The following FAM241A variants were observed in gnomAD, a reference collection of about 807,000 sequenced individuals.
FAM241A encodes the protein family with sequence similarity 241 member A, also known as uncharacterized protein FAM241A.
In FAM241A, 7 loss-of-function variants were observed where a neutral mutation model predicts 12.2. The observed-to-expected ratio is 0.58, with a 90% CI of 0.33 to 1.08. FAM241A has a LOEUF of 1.08. Among genes scored for constraint, FAM241A ranks in the 50% least tolerant of loss-of-function variants. FAM241A has a pLI of 0.04. For missense variants in FAM241A, 161 were observed against 169.7 expected (o/e 0.95, Z 0.29); for synonymous variants, 74 against 68.2 (o/e 1.08, Z -0.42).
At chr4:112,166,688 G>A (rs1035890209) in intron 1 of FAM241A, among the ~76,000 whole-genome samples, 5 of 152,144 alleles carry the variant, frequency 3.3e-5, no homozygotes, top group Non-Finnish European at 7.3e-5. Context: ...GAGTCTAATA[G>A]CACCCACCTG....
intron 1 of FAM241A, among the ~76,000 whole-genome samples, chr4:112,172,977 T>C (rs1399928358): frequency 6.6e-6 from 1 of 152,180 alleles, no homozygotes; most frequent in Non-Finnish European, 1.5e-5. Context: ...AGCCTCTGCC[T>C]CCTGGGCTGA....
Position 112,186,878 on chromosome 4 carries a change from C to T in FAM241A, c.339C>T (p.Gly113=). The T allele has an allele frequency of 2.5e-6, 4 of 1,614,002 alleles. No individual in the cohort carries two copies. The highest frequency in any genetic ancestry group is 3.4e-6 in the Non-Finnish European group (4 of 1,179,944). Residue 113 remains glycine (G), a synonymous_variant, in exon 2 of 2, where the codon GGC becomes GGT. Coordinates refer to ENST00000309733, the MANE Select transcript of FAM241A (RefSeq NM_152400.3). ...TTTGGGTTATGCTGTGGTTCCTTGG[C>T]CTGCAAGCCCTTGGACTAGTTGCTG... ...IFFWVMLWFL[G]LQALGLVAVL...
chr4:112,162,090 C>T (rs1391426773), intron 1 of FAM241A, among the ~76,000 whole-genome samples: 1 of 152,116 alleles, frequency 6.6e-6, no homozygotes, highest in East Asian at 1.9e-4. Context: ...GCAGAAAAGG[C>T]CTTCGACAAA....
At chr4:112,161,559 G>A (rs1723470299) in intron 1 of FAM241A, among the ~76,000 whole-genome samples, 1 of 152,138 alleles carries the variant, frequency 6.6e-6, no homozygotes, top group South Asian at 2.1e-4. Flanking sequence ...AGAAAATCTA[G>A]AAGAAACGGA....
intron 1 of FAM241A, among the ~76,000 whole-genome samples, chr4:112,162,444 T>C (rs1723495238): frequency 1.3e-5 from 2 of 152,242 alleles, no homozygotes; most frequent in Non-Finnish European, 2.9e-5. Context: ...CTTAAGCTGA[T>C]AAGCAACTTC....
At chr4:112,171,828 C>T (rs951924145) in intron 1 of FAM241A, among the ~76,000 whole-genome samples, 1 of 151,916 alleles carries the variant, frequency 6.6e-6, no homozygotes, top group African/African-American at 2.4e-5. Flanking sequence ...CACTGCACTC[C>T]AACCTGGGTG....
intron 1 of FAM241A, among the ~76,000 whole-genome samples, chr4:112,175,499 G>A (rs1329331416): frequency 2.0e-5 from 3 of 152,132 alleles, no homozygotes; most frequent in African/African-American, 7.2e-5. Flanking sequence ...CGGGTGTGGT[G>A]GCTCACACCG....
chr4:112,188,426 C>A lies in FAM241A; in HGVS notation c.*1488C>A, dbSNP rs1724088388. 1 of 152,094 alleles carries A rather than the reference C, an allele frequency of 6.6e-6. No homozygotes were observed. The highest frequency in any genetic ancestry group is 2.4e-5 in the African/African-American group (1 of 41,438). 9.4% of individuals were successfully genotyped at this position (152,094 alleles called of 1,614,324 possible). A position where few individuals can be genotyped will look rare whatever the true frequency, so the allele number is the denominator to read the frequency against. ...ACTTAGTTTTCTAAAATCAGATAAT[C>A]CTAAACAAAAATGTTAGTCAGGGTC... On this transcript the variant is annotated 3_prime_UTR_variant, in exon 2 of 2. Coordinates refer to ENST00000309733, the MANE Select transcript of FAM241A (RefSeq NM_152400.3).
intron 1 of FAM241A, among the ~76,000 whole-genome samples, chr4:112,170,274 A>T (rs1388916182): frequency 6.6e-6 from 1 of 152,190 alleles, no homozygotes; most frequent in Non-Finnish European, 1.5e-5. Context: ...TCCACAGGGG[A>T]TACATTCTAA....
intron 1 of FAM241A, 109 bp downstream of exon 1, chr4:112,145,842 C>T (rs753895760): frequency 4.8e-6 from 3 of 627,922 alleles, no homozygotes; most frequent in Non-Finnish European, 6.2e-6. Context: ...AGCTCTGCCC[C>T]GCGTGGGCAC....
chr4:112,162,073 A>C (rs1449680316), intron 1 of FAM241A, among the ~76,000 whole-genome samples: 1 of 152,234 alleles, frequency 6.6e-6, no homozygotes, highest in East Asian at 1.9e-4. Context: ...TGATTATCTC[A>C]AGAGATGCAG....
intron 1 of FAM241A, among the ~76,000 whole-genome samples, chr4:112,184,785 A>T (rs1218268274): frequency 6.6e-6 from 1 of 152,224 alleles, no homozygotes; most frequent in Non-Finnish European, 1.5e-5. Context: ...GATTTATTTT[A>T]AACTCTATGT....
Position 112,191,987 on chromosome 4 carries a change from C to CT in FAM241A, c.*5051dup, listed in dbSNP as rs1423548611. The CT allele has an allele frequency of 6.6e-6, 1 of 152,108 alleles. No individual in the cohort carries two copies. The highest frequency in any genetic ancestry group is 1.5e-5 in the Non-Finnish European group (1 of 68,024). The allele number at this position is 152,108 out of a possible 1,614,324, so 9.4% of individuals were successfully genotyped here. The stretch of plus-strand genomic sequence containing the variant: ...TAAACCCACTTCATCTACTCATGGT[C>CT]TTCATATAGACCACTAACAAAAAAG... On this transcript the variant is annotated 3_prime_UTR_variant, in exon 2 of 2. Coordinates refer to ENST00000309733, the MANE Select transcript of FAM241A (RefSeq NM_152400.3).
Position 112,193,002 on chromosome 4 carries a change from G to A in FAM241A, c.*6064G>A, listed in dbSNP as rs1446186944. 1 of 149,074 alleles carries A rather than the reference G, an allele frequency of 6.7e-6. No individual in the cohort carries two copies. Among genetic ancestry groups the A allele is most frequent in the Non-Finnish European group, 1.5e-5 (1 of 66,924 alleles). The allele number at this position is 149,074 out of a possible 1,614,324, so 9.2% of individuals were successfully genotyped here. On this transcript the variant is annotated 3_prime_UTR_variant, in exon 2 of 2. Coordinates refer to ENST00000309733, the MANE Select transcript of FAM241A (RefSeq NM_152400.3). ...TTCCTATTTCTCCACATCCTCTCCA[G>A]CACCTGTTGTTTCCTGACTTTTTAA...
In FAM241A at chr4:112,192,002, T is replaced by TA. The variant is rs956767937; in HGVS notation, c.*5066dup. 3.0e-4 allele frequency: 46 copies of TA among 152,218 alleles called. No individual in the cohort carries two copies. Among genetic ancestry groups the TA allele is most frequent in the African/African-American group, 1.0e-3 (43 of 41,510 alleles). 9.4% of individuals were successfully genotyped at this position (152,218 alleles called of 1,614,324 possible). A position where few individuals can be genotyped will look rare whatever the true frequency, so the allele number is the denominator to read the frequency against. On this transcript the variant is annotated 3_prime_UTR_variant, in exon 2 of 2. Coordinates refer to ENST00000309733, the MANE Select transcript of FAM241A (RefSeq NM_152400.3). ...TACTCATGGTCTTCATATAGACCAC[T>TA]AACAAAAAAGATCTAGAGCTGGTTG...
intron 1 of FAM241A, among the ~76,000 whole-genome samples, chr4:112,181,501 G>C (rs748720914): frequency 5.9e-5 from 9 of 152,178 alleles, no homozygotes; most frequent in Non-Finnish European, 1.2e-4. Flanking sequence ...GATATCAGTG[G>C]CCAGCAAAAA....
Position 112,194,355 on chromosome 4 carries a change from A to G in FAM241A, c.*7417A>G, listed in dbSNP as rs1193793875. 6.6e-6 allele frequency: 1 copy of G among 152,016 alleles called. No individual in the cohort carries two copies. The highest frequency in any genetic ancestry group is 1.5e-5 in the Non-Finnish European group (1 of 68,008). 9.4% of individuals were successfully genotyped at this position (152,016 alleles called of 1,614,324 possible). Reference sequence around the variant, plus strand: ...TACTTTTTACTTCCTTCTCCTGCCTAATTGCCCTGGCCAGAACTTCCAACA... The same window carrying G: ...TACTTTTTACTTCCTTCTCCTGCCTGATTGCCCTGGCCAGAACTTCCAACA... On this transcript the variant is annotated 3_prime_UTR_variant, in exon 2 of 2. Transcript: ENST00000309733.
At chr4:112,185,819 G>C (rs950255129) in intron 1 of FAM241A, among the ~76,000 whole-genome samples, 1 of 152,182 alleles carries the variant, frequency 6.6e-6, no homozygotes, top group Non-Finnish European at 1.5e-5. Flanking sequence ...CTACTAGCAG[G>C]CACTATTGCT....
At chr4:112,182,359 T>G (rs1287452144) in intron 1 of FAM241A, among the ~76,000 whole-genome samples, 1 of 152,238 alleles carries the variant, frequency 6.6e-6, no homozygotes, top group African/African-American at 2.4e-5. Flanking sequence ...TTACTTGTAG[T>G]AGTTTTGTGA....
Sources: allele counts gnomAD v4.1 joint callset (sites outside exome capture counted in the v4.1 genomes callset), GRCh38; gene constraint gnomAD v4.1.1; transcripts MANE v1.5; gene names NCBI Gene and HGNC (gene_info 2026-07-23, HGNC 2026-07-21).